DDAH1: variants seen among roughly 807,000 people sequenced by gnomAD.
DDAH1 encodes the protein dimethylarginine dimethylaminohydrolase 1, also known as N(G),N(G)-dimethylarginine dimethylaminohydrolase 1.
Under a neutral mutation model 28.8 loss-of-function variants are expected in DDAH1, and 19 were observed. The ratio of observed to expected loss-of-function variants is 0.66; its 90% CI spans 0.46 to 0.97. The LOEUF is 0.97. DDAH1 is among the 50% of genes least tolerant of loss of function. The probability of loss-of-function intolerance (pLI) is 0.00; values close to 1 mark genes in which losing one functional copy is unlikely to be tolerated. For missense variants in DDAH1, 326 were observed against 375.9 expected (o/e 0.87, Z 1.10); for synonymous variants, 153 against 154.4 (o/e 0.99, Z 0.07).
At chr1:85,408,434 A>G (rs1009610703) in intron 1 of DDAH1, among the ~76,000 whole-genome samples, 12 of 152,204 alleles carry the variant, frequency 7.9e-5, no homozygotes, top group African/African-American at 2.9e-4. Context: ...TGATTAAATG[A>G]ACACATAAAG....
At position 85,474,938 on chromosome 1, in the gene DDAH1, C is replaced by G. The variant is rs150576214; in HGVS notation, c.-7+21228G>C. The stretch of plus-strand genomic sequence containing the variant: ...CCTGGCTTTGTCACAGCTGTGTGAT[C>G]TTGTACAACTTGCTTGACCTTTCTG... On this transcript the variant is annotated intron_variant, in intron 2 of 6. Coordinates refer to the DDAH1 transcript ENST00000426972. Among the ~76,000 whole-genome samples the G allele has an allele frequency of 3.4e-3, 524 of 152,232 alleles. 3 individuals are homozygous for G. Among genetic ancestry groups the G allele is most frequent in the African/African-American group, 0.012 (487 of 41,544 alleles).
chr1:85,364,518 A>T (rs1227682140), intron 1 of DDAH1, among the ~76,000 whole-genome samples: 5 of 151,776 alleles, frequency 3.3e-5, no homozygotes, highest in African/African-American at 1.2e-4. Context: ...TCAGTGGTTC[A>T]TTCCTAAATT....
intron 1 of DDAH1, among the ~76,000 whole-genome samples, chr1:85,375,700 T>C (rs1650626406): frequency 1.3e-5 from 2 of 152,164 alleles, no homozygotes. Flanking sequence ...TATTCCAAGG[T>C]TGCCCAGAAT....
chr1:85,410,719 A>G (rs1282540719), intron 1 of DDAH1, among the ~76,000 whole-genome samples: 1 of 152,200 alleles, frequency 6.6e-6, no homozygotes, highest in Non-Finnish European at 1.5e-5. Context: ...TTTAAAACAC[A>G]TAATTTGAAT....
intron 5 of DDAH1, among the ~76,000 whole-genome samples, chr1:85,322,821 G>T (rs567137753): frequency 6.6e-6 from 1 of 152,276 alleles, no homozygotes; most frequent in East Asian, 1.9e-4. Flanking sequence ...GCTGAATCAG[G>T]GGGGCAGTGA....
chr1:85,439,595 C>A (rs1371478786), intron 1 of DDAH1, among the ~76,000 whole-genome samples: 2 of 152,226 alleles, frequency 1.3e-5, no homozygotes, highest in Non-Finnish European at 2.9e-5. Context: ...AAACTATCTG[C>A]TCTTCAAGAC....
At chr1:85,435,936 G>A (rs1407058642) in intron 1 of DDAH1, among the ~76,000 whole-genome samples, 3 of 148,780 alleles carry the variant, frequency 2.0e-5, no homozygotes, top group Non-Finnish European at 3.0e-5. Context: ...GACTACTGGC[G>A]TGTGCCACAA....
chr1:85,376,046 C>T (rs1650650073), intron 1 of DDAH1, among the ~76,000 whole-genome samples: 1 of 152,178 alleles, frequency 6.6e-6, no homozygotes, highest in Non-Finnish European at 1.5e-5. Flanking sequence ...GGTTTTTCCT[C>T]AACACCAGGG....
intron 1 of DDAH1, among the ~76,000 whole-genome samples, chr1:85,384,431 C>T (rs1362080217): frequency 1.3e-5 from 2 of 152,216 alleles, no homozygotes; most frequent in Non-Finnish European, 2.9e-5. Flanking sequence ...TGCATCCCCT[C>T]CTCCACCTCT....
intron 1 of DDAH1, among the ~76,000 whole-genome samples, chr1:85,425,459 G>A (rs1426805823): frequency 1.3e-5 from 2 of 151,962 alleles, no homozygotes; most frequent in East Asian, 3.9e-4. Context: ...TCATCTATAA[G>A]GAATACTTTT....
rs1329513360 is a variant in DDAH1 at position 85,464,983 on chromosome 1, T to C, written c.63A>G (p.Leu21=). The C allele has an allele frequency of 1.4e-6, 2 of 1,441,306 alleles. No individual in the cohort carries two copies. Among genetic ancestry groups the C allele is most frequent in the Non-Finnish European group, 1.8e-6 (2 of 1,099,606 alleles). 89.3% of individuals were successfully genotyped at this position (1,441,306 alleles called of 1,614,324 possible). A position where few individuals can be genotyped will look rare whatever the true frequency, so the allele number is the denominator to read the frequency against. ...GRATHAVVRA[L]PESLGQHALR... is the part of the protein sequence containing the mutation. ...GCGCGTGCTGGCCGAGCGACTCGGG[T>C]AGCGCCCGCACCACGGCGTGGGTGG... The change falls in exon 1 of 6, where the codon CTA becomes CTG. Residue 21 remains leucine, a synonymous_variant. Coordinates refer to ENST00000284031, the MANE Select transcript of DDAH1 (RefSeq NM_012137.4). This position sits in a 1 kb window ranked among gnomAD's most constrained non-coding sequence, Gnocchi z 4.4.
intron 1 of DDAH1, among the ~76,000 whole-genome samples, chr1:85,501,501 AG>A (rs1209679814): frequency 4.6e-5 from 7 of 152,318 alleles, no homozygotes; most frequent in African/African-American, 9.6e-5. Context: ...AAGACTTTAT[AG>A]TACCCATATG....
chr1:85,544,820 T>C (rs1658572459), intron 1 of DDAH1, among the ~76,000 whole-genome samples: 1 of 152,130 alleles, frequency 6.6e-6, no homozygotes, highest in African/African-American at 2.4e-5. Flanking sequence ...CTGATGGAAG[T>C]TTGCCCTGGT....
intron 1 of DDAH1, among the ~76,000 whole-genome samples, chr1:85,525,157 G>A (rs1481141468): frequency 2.0e-5 from 3 of 151,842 alleles, no homozygotes; most frequent in African/African-American, 7.3e-5. Flanking sequence ...TGCTGGAGAT[G>A]CTGACTTTTT....
chr1:85,431,605 T>C (rs564161841), intron 1 of DDAH1, among the ~76,000 whole-genome samples: 19 of 151,608 alleles, frequency 1.3e-4, no homozygotes, highest in African/African-American at 4.1e-4. Flanking sequence ...TTCCCTCCCT[T>C]CTTTCCTTCC....
At chr1:85,455,378 T>C (rs35081595) in intron 1 of DDAH1, among the ~76,000 whole-genome samples, 183 of 152,354 alleles carry the variant, frequency 1.2e-3, no homozygotes, top group Non-Finnish European at 2.3e-3. Context: ...ATCTATACCT[T>C]ATTTGGCTAA....
chr1:85,327,046 G>C (rs1301263338), intron 4 of DDAH1, among the ~76,000 whole-genome samples: 3 of 152,194 alleles, frequency 2.0e-5, no homozygotes, highest in South Asian at 2.1e-4. Context: ...TTCTTATGCA[G>C]ATTTTCTTTT....
chr1:85,360,954 T>C (rs1649763619), intron 1 of DDAH1, among the ~76,000 whole-genome samples: 1 of 152,214 alleles, frequency 6.6e-6, no homozygotes, highest in Non-Finnish European at 1.5e-5. Context: ...GTCATCAGGA[T>C]AGGTCCATAC....
At chr1:85,469,131 C>T (rs1655526774), upstream of DDAH1, among the ~76,000 whole-genome samples, 1 of 152,334 alleles carries the variant, frequency 6.6e-6, no homozygotes, top group East Asian at 1.9e-4. Context: ...TTCTGCCACC[C>T]AGCTACAATA....
Sources: gnomAD v4.1 joint callset for allele counts (sites outside exome capture counted in the v4.1 genomes callset) on GRCh38, gnomAD v4.1.1 for gene constraint, Gnocchi (gnomAD v3.1) non-coding constraint, MANE v1.5 for transcripts, NCBI Gene and HGNC (gene_info 2026-07-23, HGNC 2026-07-21) for gene names.